KLHL32: variants seen among roughly 807,000 people sequenced by gnomAD.
The protein encoded by KLHL32 is kelch-like protein 32.
In KLHL32, 35 loss-of-function variants were observed where a neutral mutation model predicts 64.8. The ratio of observed to expected loss-of-function variants is 0.54; its 90% CI spans 0.41 to 0.72. The LOEUF is 0.72. Among genes scored for constraint, KLHL32 ranks in the 30% least tolerant of loss-of-function variants. The pLI is 0.00. For synonymous variants in KLHL32, 259 were observed against 281.0 expected, an observed-to-expected ratio of 0.92 and a Z score of 0.78; for missense variants, 589 against 768.5, an observed-to-expected ratio of 0.77 and a Z score of 2.76.
At chr6:96,982,809 A>C (rs1420308030) in intron 3 of KLHL32, among the ~76,000 whole-genome samples, 1 of 152,228 alleles carries the variant, frequency 6.6e-6, no homozygotes, top group Non-Finnish European at 1.5e-5. Flanking sequence ...CTAGATATAC[A>C]ATCATGTCAT....
intron 10 of KLHL32, 73 bp from the exon 11 acceptor site, chr6:97,139,044 ATTTC>A (rs905473712): frequency 9.5e-5 from 130 of 1,372,354 alleles, no homozygotes; most frequent in Middle Eastern, 2.1e-4. Flanking sequence ...TAAGTTCAGA[ATTTC>A]TTTTATGTAT....
chr6:97,061,716 G>GT (rs1788935949), intron 4 of KLHL32, among the ~76,000 whole-genome samples: 1 of 152,202 alleles, frequency 6.6e-6, no homozygotes, highest in Non-Finnish European at 1.5e-5. Flanking sequence ...AAACCTGTGT[G>GT]TTTGAGATCC....
intron 7 of KLHL32, among the ~76,000 whole-genome samples, chr6:97,118,837 G>A (rs1469198377): frequency 2.6e-5 from 4 of 152,010 alleles, no homozygotes; most frequent in Non-Finnish European, 4.4e-5. Context: ...ATATAGTAGA[G>A]GGAACAGACT....
intron 3 of KLHL32, among the ~76,000 whole-genome samples, chr6:96,983,933 G>A (rs1459919238): frequency 1.3e-5 from 2 of 152,176 alleles, no homozygotes; most frequent in African/African-American, 4.8e-5. Flanking sequence ...TTTTGAATGT[G>A]TTTGCTCTTG....
intron 3 of KLHL32, chr6:96,994,386 T>A (rs2128068818): frequency 2.0e-6 from 1 of 507,778 alleles, no homozygotes; most frequent in East Asian, 1.5e-4. Flanking sequence ...ATTCTTAATA[T>A]CCGGAAAATA....
intron 3 of KLHL32, among the ~76,000 whole-genome samples, chr6:97,007,376 G>A (rs533201611): frequency 2.5e-4 from 38 of 151,996 alleles, no homozygotes; most frequent in Non-Finnish European, 4.0e-4. Context: ...TCATCTTTTC[G>A]CTCCTGTTTC....
At chr6:97,077,094 G>A (rs577503022) in intron 5 of KLHL32, among the ~76,000 whole-genome samples, 2 of 152,266 alleles carry the variant, frequency 1.3e-5, no homozygotes, top group African/African-American at 4.8e-5. Flanking sequence ...CAGCTGGAGA[G>A]AGAAGAGTCA....
At chr6:97,122,081 A>G (rs1798429049) in intron 7 of KLHL32, among the ~76,000 whole-genome samples, 1 of 152,236 alleles carries the variant, frequency 6.6e-6, no homozygotes, top group African/African-American at 2.4e-5. Flanking sequence ...AATCTAATTG[A>G]TATCTGCATT....
At chr6:97,018,283 T>G (rs900943384) in intron 3 of KLHL32, among the ~76,000 whole-genome samples, 1 of 152,016 alleles carries the variant, frequency 6.6e-6, no homozygotes, top group Non-Finnish European at 1.5e-5. Flanking sequence ...TGTGAACTGA[T>G]CAAAGGCATC....
intron 3 of KLHL32, among the ~76,000 whole-genome samples, chr6:96,983,947 C>T (rs1057295905): frequency 6.6e-6 from 1 of 152,008 alleles, no homozygotes; most frequent in African/African-American, 2.4e-5. Flanking sequence ...GCTCTTGCTT[C>T]TCTAGTTCTT....
chr6:97,095,422 T>C (rs1794845234), intron 6 of KLHL32, among the ~76,000 whole-genome samples: 1 of 152,206 alleles, frequency 6.6e-6, no homozygotes, highest in Non-Finnish European at 1.5e-5. Flanking sequence ...TTTTAGGCAA[T>C]GTAGAGGGGC....
intron 3 of KLHL32, among the ~76,000 whole-genome samples, chr6:96,999,299 G>A (rs1321767125): frequency 2.0e-5 from 3 of 152,118 alleles, no homozygotes; most frequent in Admixed American, 6.5e-5. Flanking sequence ...GGGAGGCTAA[G>A]GTGGGAGGGT....
At chr6:96,958,824 C>G (rs1329439567) in intron 1 of KLHL32, among the ~76,000 whole-genome samples, 1 of 149,706 alleles carries the variant, frequency 6.7e-6, no homozygotes, top group Non-Finnish European at 1.5e-5. Flanking sequence ...AGAAGGAGTG[C>G]CAAGGAAAAA....
rs1800603314 is a variant in KLHL32, at chr6:97,140,737, G to C, written c.*1455G>C. 6.6e-6 allele frequency: 1 copy of C among 151,726 alleles called. No homozygotes were observed. Among genetic ancestry groups the C allele is most frequent in the African/African-American group, 2.4e-5 (1 of 41,368 alleles). The allele number at this position is 151,726 out of a possible 1,614,324, so 9.4% of individuals were successfully genotyped here. On this transcript the variant is annotated 3_prime_UTR_variant, in exon 11 of 11. Coordinates refer to ENST00000369261, the MANE Select transcript of KLHL32 (RefSeq NM_052904.4). ...TTTGTAATCAAAAGTGAATAAAAACGATCTTTTTGTCTTACAGAATTCACT... is the reference window on the plus strand; with the variant it reads ...TTTGTAATCAAAAGTGAATAAAAACCATCTTTTTGTCTTACAGAATTCACT...
At chr6:97,031,306 T>C (rs1300708839) in intron 3 of KLHL32, among the ~76,000 whole-genome samples, 2 of 152,084 alleles carry the variant, frequency 1.3e-5, no homozygotes, top group Admixed American at 1.3e-4. Context: ...AGATTAGTTC[T>C]AGTTTTTAAA....
intron 3 of KLHL32, among the ~76,000 whole-genome samples, chr6:97,040,722 C>G (rs1784986118): frequency 6.6e-6 from 1 of 152,152 alleles, no homozygotes; most frequent in African/African-American, 2.4e-5. Flanking sequence ...TCCCTATAAT[C>G]CCCACATGTC....
At chr6:97,082,290 T>TA (rs1398175553) in intron 5 of KLHL32, among the ~76,000 whole-genome samples, 3 of 152,104 alleles carry the variant, frequency 2.0e-5, no homozygotes, top group Non-Finnish European at 4.4e-5. Context: ...AAAGAGGAGA[T>TA]ACAGGAGTAG....
At chr6:97,115,425 C>A (rs1261590846) in intron 7 of KLHL32, among the ~76,000 whole-genome samples, 1 of 152,232 alleles carries the variant, frequency 6.6e-6, no homozygotes, top group Admixed American at 6.5e-5. Flanking sequence ...ACAGTTTGAG[C>A]TCTAGTTTAC....
chr6:96,939,735 G>C (rs12664395), intron 1 of KLHL32, among the ~76,000 whole-genome samples: 48,528 of 151,728 alleles, frequency 0.32, 8,056 homozygotes, highest in African/African-American at 0.4. Context: ...ATAAAGATAG[G>C]TATCTTTATC....
Sources: gnomAD v4.1 joint callset for allele counts (sites outside exome capture counted in the v4.1 genomes callset) on GRCh38, gnomAD v4.1.1 for gene constraint, MANE v1.5 for transcripts, NCBI Gene and HGNC (gene_info 2026-07-23, HGNC 2026-07-21) for gene names.